CADPS: variants seen among roughly 807,000 people sequenced by gnomAD.
The protein encoded by CADPS is calcium-dependent secretion activator 1.
A neutral mutation model predicts 167.3 loss-of-function variants in CADPS; 57 were observed. The ratio of observed to expected loss-of-function variants is 0.34; its 90% CI spans 0.28 to 0.42. The LOEUF (loss-of-function observed/expected upper bound fraction) is 0.42, where lower values mean the gene tolerates loss of function less well. Among genes scored for constraint, CADPS ranks in the 20% least tolerant of loss-of-function variants. The pLI is 1.00. For missense variants in CADPS, 1,414 were observed against 1,738.1 expected, an observed-to-expected ratio of 0.81 and a Z score of 3.32; for synonymous variants, 676 against 635.3, an observed-to-expected ratio of 1.06 and a Z score of -0.96.
At chr3:62,675,361 C>G (rs923269979) in intron 3 of CADPS, among the ~76,000 whole-genome samples, 7 of 152,096 alleles carry the variant, frequency 4.6e-5, no homozygotes, top group Non-Finnish European at 8.8e-5. Flanking sequence ...AATATAGACT[C>G]TATTTGAATA....
At chr3:62,852,577 C>A (rs972490729) in intron 1 of CADPS, among the ~76,000 whole-genome samples, 1 of 151,828 alleles carries the variant, frequency 6.6e-6, no homozygotes, top group East Asian at 1.9e-4. Flanking sequence ...TTCTCCTTAC[C>A]CACACCAGAG....
At chr3:62,429,550 G>A (rs1422891002) in intron 28 of CADPS, among the ~76,000 whole-genome samples, 3 of 152,016 alleles carry the variant, frequency 2.0e-5, no homozygotes, top group Non-Finnish European at 4.4e-5. Flanking sequence ...AACACAGCTC[G>A]TCTCCTGCAA....
At chr3:62,745,501 T>C (rs1205590869) in intron 3 of CADPS, among the ~76,000 whole-genome samples, 1 of 152,204 alleles carries the variant, frequency 6.6e-6, no homozygotes, top group Non-Finnish European at 1.5e-5. Flanking sequence ...TGTATGACTT[T>C]GAAAAGACAT....
intron 3 of CADPS, among the ~76,000 whole-genome samples, chr3:62,717,656 C>T (rs1168765042): frequency 1.3e-5 from 2 of 152,086 alleles, no homozygotes; most frequent in East Asian, 1.9e-4. Flanking sequence ...TCACAAGACA[C>T]CATCATCTCT....
intron 29 of CADPS, among the ~76,000 whole-genome samples, chr3:62,400,539 G>C (rs1385568441): frequency 6.6e-6 from 1 of 151,138 alleles, no homozygotes; most frequent in African/African-American, 2.4e-5. Context: ...TTGCTAAAGG[G>C]GCAAGACAAG....
chr3:62,581,497 T>C, intron 8 of CADPS, among the ~76,000 whole-genome samples: 1 of 146,696 alleles, frequency 6.8e-6, no homozygotes, highest in Admixed American at 6.8e-5. Flanking sequence ...GACAACATAG[T>C]GAGATCCCAC....
intron 28 of CADPS, among the ~76,000 whole-genome samples, chr3:62,419,866 G>A (rs145450868): frequency 6.6e-5 from 10 of 152,252 alleles, no homozygotes; most frequent in African/African-American, 1.7e-4. Context: ...CAACTCTGCC[G>A]TCTTAAAACA....
At chr3:62,713,528 A>C (rs887303486) in intron 3 of CADPS, among the ~76,000 whole-genome samples, 1 of 152,222 alleles carries the variant, frequency 6.6e-6, no homozygotes, top group Non-Finnish European at 1.5e-5. Flanking sequence ...TTTGGCACGT[A>C]ATTAAAAGTA....
At chr3:62,567,056 C>T (rs1243935645) in intron 9 of CADPS, among the ~76,000 whole-genome samples, 1 of 152,144 alleles carries the variant, frequency 6.6e-6, no homozygotes, top group African/African-American at 2.4e-5. Context: ...AGGCTCTAAA[C>T]ACCTGTGTTC....
At chr3:62,642,110 G>GA (rs34341701) in intron 6 of CADPS, among the ~76,000 whole-genome samples, 112,833 of 145,618 alleles carry the variant, frequency 0.77, 45,561 homozygotes, top group East Asian at 0.92. Flanking sequence ...GGCTATACTT[G>GA]AAAAAAAAAA....
intron 6 of CADPS, among the ~76,000 whole-genome samples, chr3:62,592,978 T>C (rs1039822222): frequency 6.6e-6 from 1 of 152,234 alleles, no homozygotes; most frequent in Non-Finnish European, 1.5e-5. Context: ...CAGAGCACTA[T>C]AAGGAATGAC....
intron 6 of CADPS, among the ~76,000 whole-genome samples, chr3:62,624,985 G>T (rs1246480208): frequency 2.8e-5 from 4 of 143,886 alleles, no homozygotes; most frequent in Non-Finnish European, 5.9e-5. Flanking sequence ...GTCTTATTTT[G>T]TCTGGTGATG....
intron 8 of CADPS, among the ~76,000 whole-genome samples, chr3:62,574,399 A>C (rs2081897412): frequency 6.6e-6 from 1 of 152,090 alleles, no homozygotes; most frequent in Non-Finnish European, 1.5e-5. Flanking sequence ...GAAAGCAAAG[A>C]GATTAGTGAA....
At chr3:62,503,604 T>C (rs2066132271) in intron 17 of CADPS, among the ~76,000 whole-genome samples, 1 of 152,232 alleles carries the variant, frequency 6.6e-6, no homozygotes, top group South Asian at 2.1e-4. Context: ...TGGGGGAAAA[T>C]GTGTGGTATC....
chr3:62,629,378 CT>C (rs1460105143), intron 6 of CADPS, among the ~76,000 whole-genome samples: 1 of 152,160 alleles, frequency 6.6e-6, no homozygotes, highest in Non-Finnish European at 1.5e-5. Flanking sequence ...AATATGTGGT[CT>C]TTTGCCTCTG....
At chr3:62,428,845 G>A (rs996511124) in intron 28 of CADPS, among the ~76,000 whole-genome samples, 1 of 152,188 alleles carries the variant, frequency 6.6e-6, no homozygotes, top group Non-Finnish European at 1.5e-5. Context: ...ATTTTGAGAA[G>A]GACAGTGGCT....
intron 28 of CADPS, among the ~76,000 whole-genome samples, chr3:62,422,610 A>T (rs1430083528): frequency 6.6e-5 from 10 of 151,982 alleles, no homozygotes; most frequent in Admixed American, 6.6e-5. Flanking sequence ...GACTTTGGTG[A>T]TACCTGATCT....
intron 3 of CADPS, among the ~76,000 whole-genome samples, chr3:62,717,558 C>CT (rs560854393): frequency 6.6e-6 from 1 of 152,080 alleles, no homozygotes; most frequent in Non-Finnish European, 1.5e-5. Flanking sequence ...TGCTTATTTC[C>CT]TTTTTCCCCT....
intron 3 of CADPS, among the ~76,000 whole-genome samples, chr3:62,727,297 T>C (rs1393007324): frequency 2.0e-5 from 3 of 151,822 alleles, no homozygotes; most frequent in Non-Finnish European, 2.9e-5. Context: ...TGCAACAATA[T>C]AAATAAAGCT....
Sources: gnomAD v4.1 joint callset for allele counts (sites outside exome capture counted in the v4.1 genomes callset) on GRCh38, gnomAD v4.1.1 for gene constraint, MANE v1.5 for transcripts, NCBI Gene and HGNC (gene_info 2026-07-23, HGNC 2026-07-21) for gene names.